Variants in SYNDIG1 observed in about 807,000 individuals in gnomAD.
SYNDIG1 encodes the protein synapse differentiation-inducing gene protein 1.
In SYNDIG1, 9 loss-of-function variants were observed where a neutral mutation model predicts 19.4. The ratio of observed to expected loss-of-function variants is 0.46; its 90% CI spans 0.28 to 0.81. SYNDIG1 has a LOEUF of 0.81. SYNDIG1 is among the 30% of genes least tolerant of loss of function. The pLI is 0.12. For missense variants in SYNDIG1, 311 were observed against 343.3 expected, an observed-to-expected ratio of 0.91 and a Z score of 0.74; for synonymous variants, 141 against 145.9, an observed-to-expected ratio of 0.97 and a Z score of 0.24.
intron 3 of SYNDIG1, among the ~76,000 whole-genome samples, chr20:24,612,071 G>A (rs1329488748): frequency 6.6e-6 from 1 of 152,182 alleles, no homozygotes; most frequent in Non-Finnish European, 1.5e-5. Flanking sequence ...CATAGTTTAT[G>A]TATCAAGTTC....
intron 2 of SYNDIG1, among the ~76,000 whole-genome samples, chr20:24,560,694 CTTT>C (rs10658853): frequency 4.4e-5 from 5 of 113,816 alleles, no homozygotes; most frequent in Non-Finnish European, 7.3e-5. Flanking sequence ...CTGTTGACTA[CTTT>C]TTTTTTTTTT....
intron 3 of SYNDIG1, among the ~76,000 whole-genome samples, chr20:24,588,696 C>G (rs1364059873): frequency 6.6e-6 from 1 of 152,150 alleles, no homozygotes; most frequent in Non-Finnish European, 1.5e-5. Flanking sequence ...GAAGAAATGA[C>G]CCCTGGGCTT....
intron 3 of SYNDIG1, among the ~76,000 whole-genome samples, chr20:24,633,304 C>T (rs562350144): frequency 3.0e-4 from 45 of 152,308 alleles, no homozygotes; most frequent in African/African-American, 1.1e-3. Context: ...CCACTGCCCA[C>T]CTCTCTGGCA....
intron 3 of SYNDIG1, among the ~76,000 whole-genome samples, chr20:24,608,655 A>G (rs756464993): frequency 1.3e-5 from 2 of 152,218 alleles, no homozygotes; most frequent in Non-Finnish European, 2.9e-5. Context: ...GGATGAGACA[A>G]TAATTAAAAG....
At chr20:24,588,430 C>T (rs759550554) in intron 3 of SYNDIG1, among the ~76,000 whole-genome samples, 7 of 152,240 alleles carry the variant, frequency 4.6e-5, no homozygotes, top group South Asian at 2.1e-4. Flanking sequence ...CCAGGTTCAG[C>T]GCTGGAGCCA....
chr20:24,541,452 G>C (rs1269966560), intron 1 of SYNDIG1, among the ~76,000 whole-genome samples: 1 of 152,174 alleles, frequency 6.6e-6, no homozygotes, highest in African/African-American at 2.4e-5. Flanking sequence ...AAGAACTAGG[G>C]ACTCAAATGC....
chr20:24,590,132 G>A (rs1463283990), intron 3 of SYNDIG1, among the ~76,000 whole-genome samples: 1 of 152,234 alleles, frequency 6.6e-6, no homozygotes, highest in East Asian at 1.9e-4. Flanking sequence ...TTAACAGGGT[G>A]GCCGTGGCGG....
chr20:24,490,503 A>G (rs919848140), intron 1 of SYNDIG1, among the ~76,000 whole-genome samples: 1 of 152,112 alleles, frequency 6.6e-6, no homozygotes, highest in African/African-American at 2.4e-5. Flanking sequence ...TCTGCTGCCA[A>G]TGTGCCCGGG....
chr20:24,541,684 A>C (rs1485877703), intron 1 of SYNDIG1, among the ~76,000 whole-genome samples: 1 of 152,256 alleles, frequency 6.6e-6, no homozygotes. Context: ...TAGACATAGC[A>C]GAGACTGCTT....
intron 1 of SYNDIG1, among the ~76,000 whole-genome samples, chr20:24,535,510 G>C (rs898218534): frequency 4.6e-5 from 7 of 152,118 alleles, no homozygotes; most frequent in Non-Finnish European, 1.0e-4. Flanking sequence ...ACAGAGAGAA[G>C]CTCTCTAAAA....
At chr20:24,593,262 G>A (rs910178453) in intron 3 of SYNDIG1, among the ~76,000 whole-genome samples, 1 of 152,102 alleles carries the variant, frequency 6.6e-6, no homozygotes, top group Admixed American at 6.5e-5. Flanking sequence ...TGTTTTCAAT[G>A]TTTAGGTTCC....
chr20:24,514,911 T>G (rs1284018340), intron 1 of SYNDIG1, among the ~76,000 whole-genome samples: 1 of 152,116 alleles, frequency 6.6e-6, no homozygotes, highest in Non-Finnish European at 1.5e-5. Flanking sequence ...AGAACAGAAA[T>G]TATAACAAAC....
At chr20:24,648,029 G>C (rs1188906837) in intron 3 of SYNDIG1, among the ~76,000 whole-genome samples, 1 of 152,018 alleles carries the variant, frequency 6.6e-6, no homozygotes, top group Non-Finnish European at 1.5e-5. Flanking sequence ...TGTGTCTTCT[G>C]TTCTTAGAAG....
intron 1 of SYNDIG1, among the ~76,000 whole-genome samples, chr20:24,491,092 A>G (rs1428148895): frequency 6.6e-6 from 1 of 152,240 alleles, no homozygotes; most frequent in African/African-American, 2.4e-5. Context: ...ATGGCGTGCA[A>G]TAACCCTTAT....
intron 1 of SYNDIG1, among the ~76,000 whole-genome samples, chr20:24,470,840 T>G (rs1206931851): frequency 6.6e-6 from 1 of 152,094 alleles, no homozygotes; most frequent in African/African-American, 2.4e-5. Context: ...CGCACAGTCC[T>G]CCTGCGACGT....
At chr20:24,472,497 A>T (rs1033514064) in intron 1 of SYNDIG1, among the ~76,000 whole-genome samples, 2 of 152,238 alleles carry the variant, frequency 1.3e-5, no homozygotes, top group African/African-American at 2.4e-5. Context: ...TATTACTATT[A>T]TCAGAGAATA....
chr20:24,656,903 G>A (rs561523797), intron 3 of SYNDIG1, among the ~76,000 whole-genome samples: 3 of 152,302 alleles, frequency 2.0e-5, no homozygotes, highest in Non-Finnish European at 2.9e-5. Context: ...TCCTGCGGAC[G>A]GATCCCTCAT....
At chr20:24,624,281 C>A (rs2059087138) in intron 3 of SYNDIG1, among the ~76,000 whole-genome samples, 1 of 151,098 alleles carries the variant, frequency 6.6e-6, no homozygotes, top group East Asian at 1.9e-4. Flanking sequence ...AAATGAGACC[C>A]AACAGAATGC....
At chr20:24,594,469 G>T (rs1418140170) in intron 3 of SYNDIG1, among the ~76,000 whole-genome samples, 3 of 152,246 alleles carry the variant, frequency 2.0e-5, no homozygotes, top group Admixed American at 6.5e-5. Flanking sequence ...GATGCCTCCA[G>T]CTTTATTCTT....
Sources: gnomAD v4.1 joint callset for allele counts (sites outside exome capture counted in the v4.1 genomes callset) on GRCh38, gnomAD v4.1.1 for gene constraint, MANE v1.5 for transcripts, NCBI Gene and HGNC (gene_info 2026-07-23, HGNC 2026-07-21) for gene names.